INTS4: variants seen among roughly 807,000 people sequenced by gnomAD.
INTS4 encodes the protein integrator complex subunit 4, also known as MSTP093.
In INTS4, 70 loss-of-function variants were observed where a neutral mutation model predicts 119.5. That is an observed-to-expected ratio of 0.59 (90% CI 0.48 to 0.71). The LOEUF (loss-of-function observed/expected upper bound fraction) is 0.71, where lower values mean the gene tolerates loss of function less well. Ranked by LOEUF, INTS4 falls within the 30% of genes least tolerant of loss-of-function variation. The pLI is 0.00. For missense variants in INTS4, 867 were observed against 1,173.2 expected, an observed-to-expected ratio of 0.74 and a Z score of 3.81; for synonymous variants, 316 against 419.6, an observed-to-expected ratio of 0.75 and a Z score of 3.02.
Position 77,878,895 on chromosome 11 carries a change from T to C in INTS4, c.*54A>G. On this transcript the variant is annotated 3_prime_UTR_variant, in exon 23 of 23. Coordinates refer to ENST00000534064, the MANE Select transcript of INTS4 (RefSeq NM_033547.4). Reference sequence around the variant, plus strand: ...GGTGAAGTGCTTCAGGCTTGGCTCATTCTGACACCTAAGAAGGGCCCTCTA... The same window carrying C: ...GGTGAAGTGCTTCAGGCTTGGCTCACTCTGACACCTAAGAAGGGCCCTCTA... 7.1e-7 allele frequency: 1 copy of C among 1,405,484 alleles called. No individual in the cohort carries two copies. The allele number at this position is 1,405,484 out of a possible 1,614,324, so 87.1% of individuals were successfully genotyped here. A position where few individuals can be genotyped will look rare whatever the true frequency, so the allele number is the denominator to read the frequency against.
At chr11:77,955,644 C>A (rs973552796) in intron 8 of INTS4, among the ~76,000 whole-genome samples, 3 of 151,968 alleles carry the variant, frequency 2.0e-5, no homozygotes, top group African/African-American at 7.2e-5. Flanking sequence ...TACAGGCGTG[C>A]GCCACCATGC....
chr11:77,961,175 G>GA, intron 4 of INTS4, 37 bp from the exon 5 acceptor site: 2 of 1,492,214 alleles, frequency 1.3e-6, no homozygotes, highest in Non-Finnish European at 1.8e-6. Flanking sequence ...AAAAGAAAAA[G>GA]AAAAAAAGGA....
At chr11:77,920,592 C>T (rs925314687) in intron 14 of INTS4, among the ~76,000 whole-genome samples, 7 of 151,862 alleles carry the variant, frequency 4.6e-5, no homozygotes, top group African/African-American at 1.5e-4. Flanking sequence ...GTGGCTCATG[C>T]CTGTAATCCC....
At chr11:77,965,533 CTT>C (rs766766881) in intron 4 of INTS4, among the ~76,000 whole-genome samples, 6 of 148,726 alleles carry the variant, frequency 4.0e-5, no homozygotes, top group Admixed American at 3.3e-4. Flanking sequence ...ACTCTACTCT[CTT>C]TGAGTTCAAC....
chr11:77,976,890 C>T (rs539979758), intron 4 of INTS4, among the ~76,000 whole-genome samples: 115 of 151,730 alleles, frequency 7.6e-4, no homozygotes, highest in African/African-American at 2.5e-3. Flanking sequence ...AACACATGGA[C>T]ACAGGAAGGG....
chr11:77,885,290 T>A (rs1001910378), intron 21 of INTS4, among the ~76,000 whole-genome samples: 2 of 151,948 alleles, frequency 1.3e-5, no homozygotes, highest in African/African-American at 4.8e-5. Context: ...TTGGCCAGGT[T>A]GGTCTCGAAC....
Position 77,960,983 on chromosome 11 carries a change from T to C in INTS4, c.627A>G (p.Pro209=), listed in dbSNP as rs765012673. 4 of 1,612,064 alleles carry C rather than the reference T, an allele frequency of 2.5e-6. No homozygotes were observed. The South Asian group carries it at 4.4e-5, about 18-fold the overall frequency. The change falls in exon 5 of 23, where the codon CCA becomes CCG. Residue 209 remains proline (P), a synonymous_variant. Transcript: ENST00000534064. ...IIGDYFSDQD[P]RVRTAAIKAM... is the part of the protein sequence containing the mutation. ...CTTTTATAGCTGCTGTTCTGACACGTGGGTCTTGGTCACTGAAGTAATCCC... is the reference window on the plus strand; with the variant it reads ...CTTTTATAGCTGCTGTTCTGACACGCGGGTCTTGGTCACTGAAGTAATCCC...
At chr11:77,922,293 G>A in intron 13 of INTS4, 63 bp downstream of exon 13, 4 of 1,543,860 alleles carry the variant, frequency 2.6e-6, no homozygotes, top group Non-Finnish European at 3.5e-6. Flanking sequence ...TAGCTATACT[G>A]CAGAAGGAGA....
chr11:77,892,740 G>A (rs894860928), intron 19 of INTS4, among the ~76,000 whole-genome samples: 34 of 151,928 alleles, frequency 2.2e-4, no homozygotes, highest in African/African-American at 7.0e-4. Flanking sequence ...CCACCACCAC[G>A]CCCTACTAAT....
intron 1 of INTS4, among the ~76,000 whole-genome samples, chr11:77,994,193 G>C (rs570416110): frequency 3.0e-4 from 45 of 151,962 alleles, no homozygotes; most frequent in Non-Finnish European, 5.7e-4. Flanking sequence ...TGGAACGGGG[G>C]TGCGGGGAGG....
At chr11:77,900,790 C>T in intron 18 of INTS4, 1 of 594,604 alleles carries the variant, frequency 1.7e-6, no homozygotes, top group Non-Finnish European at 3.0e-6. Context: ...GTGGCAATTC[C>T]AGTTATCTGA....
chr11:77,875,314 G>A (rs368246339), downstream of INTS4, among the ~76,000 whole-genome samples: 1 of 152,196 alleles, frequency 6.6e-6, no homozygotes, highest in African/African-American at 2.4e-5. Flanking sequence ...GAAATAAGGC[G>A]TGTAAACATT....
chr11:77,926,751 G>A (rs1242832387), intron 11 of INTS4, among the ~76,000 whole-genome samples: 1 of 149,490 alleles, frequency 6.7e-6, no homozygotes, highest in Admixed American at 6.7e-5. Flanking sequence ...GGTGAAGGTT[G>A]CAGTAAGCCA....
intron 2 of INTS4, among the ~76,000 whole-genome samples, chr11:77,986,190 T>A (rs1856449795): frequency 6.6e-6 from 1 of 152,164 alleles, no homozygotes; most frequent in Non-Finnish European, 1.5e-5. Flanking sequence ...AAGATTATGT[T>A]TTTTAAGAGT....
intron 2 of INTS4, among the ~76,000 whole-genome samples, chr11:77,986,235 A>G (rs1389260863): frequency 6.6e-6 from 1 of 152,254 alleles, no homozygotes; most frequent in Non-Finnish European, 1.5e-5. Flanking sequence ...AGACACATGA[A>G]AAAATGCTCA....
chr11:77,934,394 T>TA (rs57661146), intron 10 of INTS4, among the ~76,000 whole-genome samples: 26,326 of 125,296 alleles, frequency 0.21, 2,752 homozygotes, highest in Middle Eastern at 0.26. Flanking sequence ...CAATAAATAC[T>TA]AAAAAAAAAA....
At position 77,928,398 on chromosome 11, in the gene INTS4, A is replaced by G. The variant is rs748223589; in HGVS notation, c.1315T>C (p.Ser439Pro). ...TCTTCTCGGAGGGTGATGTTGTTAGAGATTTTTCTCATGGTATGTATAGAC... is the reference window on the plus strand; with the variant it reads ...TCTTCTCGGAGGGTGATGTTGTTAGGGATTTTTCTCATGGTATGTATAGAC... ...LQSIHTMRKISNNITLREDQL... is the reference protein window; with the variant it reads ...LQSIHTMRKIPNNITLREDQL... Residue 439 changes from serine to proline, a missense_variant, in exon 11 of 23, where the codon TCT (serine) becomes CCT (proline). By Grantham distance (74) the Ser-to-Pro change is moderately conservative. Transcript: ENST00000534064. 1 of 1,612,268 alleles carries G rather than the reference A, an allele frequency of 6.2e-7. No individual in the cohort carries two copies. The highest frequency in any genetic ancestry group is 8.5e-7 in the Non-Finnish European group (1 of 1,178,864).
At chr11:77,946,928 A>G (rs543660782) in intron 8 of INTS4, among the ~76,000 whole-genome samples, 91 of 150,924 alleles carry the variant, frequency 6.0e-4, no homozygotes, top group Non-Finnish European at 6.8e-4. Flanking sequence ...CATGATCCGA[A>G]TGAGAAATTC....
chr11:77,952,483 T>C (rs1954219667), intron 8 of INTS4, among the ~76,000 whole-genome samples: 1 of 152,142 alleles, frequency 6.6e-6, no homozygotes, highest in Non-Finnish European at 1.5e-5. Context: ...TATAAAGAAG[T>C]GGGTTAATAG....
Sources: gnomAD v4.1 joint callset for allele counts (sites outside exome capture counted in the v4.1 genomes callset) on GRCh38, gnomAD v4.1.1 for gene constraint, MANE v1.5 for transcripts, NCBI Gene and HGNC (gene_info 2026-07-23, HGNC 2026-07-21) for gene names.